NBEA: variants seen among roughly 807,000 people sequenced by gnomAD.
NBEA encodes neurobeachin, also known as lysosomal-trafficking regulator 2.
NBEA carries 44 observed loss-of-function variants against 343.4 expected under a neutral mutation model. The observed-to-expected ratio is 0.13, with a 90% CI of 0.10 to 0.16. The LOEUF is 0.16. Ranked by LOEUF, NBEA falls within the 10% of genes least tolerant of loss-of-function variation. The pLI, the probability that NBEA is intolerant of heterozygous loss-of-function variation, is 1.00. For missense variants in NBEA, 2,555 were observed against 3,631.3 expected (o/e 0.70, Z 7.62); for synonymous variants, 1,175 against 1,238.7 (o/e 0.95, Z 1.08).
intron 43 of NBEA, among the ~76,000 whole-genome samples, chr13:35,553,431 T>C (rs1420385191): frequency 1.3e-5 from 2 of 152,092 alleles, no homozygotes; most frequent in Admixed American, 1.3e-4. Context: ...ACACTGCATC[T>C]AGGCTTAAAC....
chr13:34,974,847 T>G (rs890369323), intron 1 of NBEA, among the ~76,000 whole-genome samples: 7 of 152,174 alleles, frequency 4.6e-5, no homozygotes, highest in African/African-American at 1.7e-4. Flanking sequence ...GCACATGAAA[T>G]AGCTTGTTCA....
intron 41 of NBEA, among the ~76,000 whole-genome samples, chr13:35,529,145 C>G (rs975765929): frequency 2.0e-5 from 3 of 152,106 alleles, no homozygotes; most frequent in Admixed American, 1.3e-4. Flanking sequence ...ATGATTTTCA[C>G]CATTTTATAG....
At chr13:35,136,905 G>A (rs972711564) in intron 17 of NBEA, among the ~76,000 whole-genome samples, 4 of 152,162 alleles carry the variant, frequency 2.6e-5, no homozygotes, top group Non-Finnish European at 5.9e-5. Context: ...TGAAGTAGAC[G>A]AAGACCCAAC....
intron 34 of NBEA, among the ~76,000 whole-genome samples, chr13:35,236,551 A>G (rs542366803): frequency 6.4e-4 from 97 of 151,676 alleles, no homozygotes; most frequent in African/African-American, 2.2e-3. Context: ...GGTTCACGCC[A>G]TTCTCCTGCC....
chr13:35,352,871 A>G (rs956421599), intron 38 of NBEA, among the ~76,000 whole-genome samples: 1 of 152,164 alleles, frequency 6.6e-6, no homozygotes, highest in African/African-American at 2.4e-5. Flanking sequence ...GGTTGTTTAT[A>G]AATCACAAAT....
chr13:35,489,251 A>G (rs1041714299), intron 41 of NBEA, among the ~76,000 whole-genome samples: 3 of 151,880 alleles, frequency 2.0e-5, no homozygotes, highest in Non-Finnish European at 2.9e-5. Context: ...TCTCAAGTGA[A>G]GAGCTGCCCC....
chr13:35,163,544 G>T (rs375026013), intron 23 of NBEA, among the ~76,000 whole-genome samples: 68 of 151,658 alleles, frequency 4.5e-4, no homozygotes, highest in African/African-American at 1.6e-3. Flanking sequence ...CCTGGGCCCA[G>T]GGAGGTTGAG....
At chr13:35,333,393 T>G (rs1014261786) in intron 36 of NBEA, among the ~76,000 whole-genome samples, 1 of 152,142 alleles carries the variant, frequency 6.6e-6, no homozygotes, top group African/African-American at 2.4e-5. Context: ...TAATTGGATT[T>G]TTAAAATTTT....
chr13:35,252,174 C>G (rs1246605741), intron 34 of NBEA, among the ~76,000 whole-genome samples: 2 of 152,024 alleles, frequency 1.3e-5, no homozygotes, highest in Non-Finnish European at 2.9e-5. Context: ...ACTTAACAAT[C>G]ATGGTGGAAG....
intron 41 of NBEA, among the ~76,000 whole-genome samples, chr13:35,495,441 C>T (rs1181698074): frequency 2.0e-5 from 3 of 151,834 alleles, no homozygotes; most frequent in Admixed American, 6.6e-5. Context: ...TTCAATACCC[C>T]GCTTTCAATA....
intron 45 of NBEA, among the ~76,000 whole-genome samples, chr13:35,567,423 G>C (rs2080184904): frequency 6.6e-6 from 1 of 152,152 alleles, no homozygotes; most frequent in Non-Finnish European, 1.5e-5. Flanking sequence ...AAGAAAGTCA[G>C]TTAATTTTAC....
chr13:35,157,615 CT>C lies in NBEA; in HGVS notation c.2844+353del, dbSNP rs373014707. On this transcript the variant is annotated intron_variant, in intron 21 of 58. Coordinates refer to ENST00000379939, the MANE Select transcript of NBEA (RefSeq NM_001385012.1). ...AGTCTCTGAAATATACTTTTTAAGA[CT>C]TTTTTTTAAGAAGTCAGATTTTTTT... 1.7e-3 allele frequency among the ~76,000 whole-genome samples: 254 copies of C among 151,898 alleles called. 6 individuals carry two copies. The East Asian group carries it at 0.039, about 23-fold the overall frequency.
chr13:35,050,831 G>A (rs879530880), intron 6 of NBEA, among the ~76,000 whole-genome samples: 1 of 151,930 alleles, frequency 6.6e-6, no homozygotes, highest in Non-Finnish European at 1.5e-5. Flanking sequence ...TCCTGAGATT[G>A]AAGGTTTTGT....
At chr13:35,072,671 C>G (rs1018866377) in intron 10 of NBEA, among the ~76,000 whole-genome samples, 10 of 152,238 alleles carry the variant, frequency 6.6e-5, no homozygotes, top group African/African-American at 2.2e-4. Context: ...AAGCAATTCC[C>G]TTGCCTAAGC....
Position 35,654,857 on chromosome 13 carries a change from A to C in NBEA, c.8038A>C (p.Asn2680His). Residue 2680 changes from asparagine (N) to histidine (H), a missense_variant and splice_region_variant, in exon 54 of 59, where the codon AAT becomes CAT. Around this residue, in one of 21 missense-constraint regions of NBEA, gnomAD observed 39 missense variants for 37.9 expected, o/e 1.03. Coordinates refer to ENST00000379939, the MANE Select transcript of NBEA (RefSeq NM_001385012.1). ...LPIEMDPLIANNSGVNKRQIT... is the reference protein window; with the variant it reads ...LPIEMDPLIAHNSGVNKRQIT... ...TGCTTTTTTCCATTTACTTTTAGCCAATAATTCAGGTGTAAACAAACGGCA... is the reference window on the plus strand; with the variant it reads ...TGCTTTTTTCCATTTACTTTTAGCCCATAATTCAGGTGTAAACAAACGGCA... 2 of 1,566,904 alleles carry C rather than the reference A, an allele frequency of 1.3e-6. No homozygotes were observed.
chr13:35,297,689 C>T (rs2036226243), intron 35 of NBEA, among the ~76,000 whole-genome samples: 1 of 151,792 alleles, frequency 6.6e-6, no homozygotes, highest in Non-Finnish European at 1.5e-5. Context: ...TTTCTATTGC[C>T]TTCTGTTGTG....
chr13:35,509,100 G>A (rs886334801), intron 41 of NBEA, among the ~76,000 whole-genome samples: 3 of 152,210 alleles, frequency 2.0e-5, no homozygotes, highest in African/African-American at 7.2e-5. Flanking sequence ...ATGCCATTGT[G>A]TCTCTTGTCT....
intron 34 of NBEA, among the ~76,000 whole-genome samples, chr13:35,269,922 A>G (rs2033993398): frequency 6.6e-6 from 1 of 152,220 alleles, no homozygotes; most frequent in South Asian, 2.1e-4. Flanking sequence ...AGGATAAATT[A>G]TAGGCTAGGA....
chr13:35,612,822 T>A (rs556203406), intron 48 of NBEA, among the ~76,000 whole-genome samples: 2 of 152,244 alleles, frequency 1.3e-5, no homozygotes, highest in Admixed American at 6.5e-5. Context: ...GTGTGTTGGG[T>A]GGTAATGCAA....
Sources: allele counts gnomAD v4.1 joint callset (sites outside exome capture counted in the v4.1 genomes callset), GRCh38; gene constraint gnomAD v4.1.1; regional missense constraint gnomAD v4.1.1; transcripts MANE v1.5; gene names NCBI Gene and HGNC (gene_info 2026-07-23, HGNC 2026-07-21).